The following PCNX2 variants were observed in gnomAD, a reference collection of about 807,000 sequenced individuals.
PCNX2 encodes the protein pecanex 2.
In PCNX2, 168 loss-of-function variants were observed where a neutral mutation model predicts 223.8. The observed-to-expected ratio is 0.75, with a 90% confidence interval of 0.66 to 0.85. The LOEUF (loss-of-function observed/expected upper bound fraction) is 0.85. Among genes scored for constraint, PCNX2 ranks in the 40% least tolerant of loss-of-function variants. The pLI, the probability that PCNX2 is intolerant of heterozygous loss-of-function variation, is 0.00. For missense variants in PCNX2, 2,507 were observed against 2,675.5 expected, an observed-to-expected ratio of 0.94 and a Z score of 1.39; for synonymous variants, 1,006 against 1,052.6, an observed-to-expected ratio of 0.96 and a Z score of 0.86.
At chr1:233,117,835 C>A (rs1301257656) in intron 21 of PCNX2, among the ~76,000 whole-genome samples, 1 of 150,930 alleles carries the variant, frequency 6.6e-6, no homozygotes, top group Non-Finnish European at 1.5e-5. Context: ...ACGGTGAAAC[C>A]CCGTCTCTAC....
At chr1:233,321,568 G>C in the PCNX2 span, among the ~76,000 whole-genome samples, 1 of 152,186 alleles carries the variant, frequency 6.6e-6, no homozygotes, top group Admixed American at 6.5e-5. Context: ...AAAGTGCTGG[G>C]ATTATAGGCA....
chr1:233,006,120 A>T (rs3820121), intron 28 of PCNX2, among the ~76,000 whole-genome samples: 40,025 of 152,042 alleles, frequency 0.26, 5,536 homozygotes, highest in African/African-American at 0.33. Flanking sequence ...TGAGATAACC[A>T]GGCACCAGCT....
At chr1:233,257,170 A>G (rs1471214411) in intron 5 of PCNX2, among the ~76,000 whole-genome samples, 4 of 152,190 alleles carry the variant, frequency 2.6e-5, no homozygotes, top group African/African-American at 7.2e-5. Context: ...TTATCTTCAT[A>G]TAGGAAATAT....
intron 25 of PCNX2, among the ~76,000 whole-genome samples, chr1:233,047,034 A>G (rs79090270): frequency 0.035 from 5,289 of 152,238 alleles, 127 homozygotes; most frequent in East Asian, 0.081. Context: ...GAAGATGCCT[A>G]GTCTGGCCTC....
At chr1:233,150,979 A>G (rs1053004836) in intron 19 of PCNX2, among the ~76,000 whole-genome samples, 1 of 152,172 alleles carries the variant, frequency 6.6e-6, no homozygotes, top group Non-Finnish European at 1.5e-5. Context: ...GAAGAGGGCT[A>G]GGAGAGAATT....
chr1:233,285,142 C>T (rs955125808), intron 1 of PCNX2: 1 of 363,142 alleles, frequency 2.8e-6, no homozygotes, highest in Non-Finnish European at 3.8e-6. Context: ...TGCTTGAGGC[C>T]AGGAGTTTGA....
At chr1:233,305,150 A>T in the PCNX2 span, among the ~76,000 whole-genome samples, 1 of 152,206 alleles carries the variant, frequency 6.6e-6, no homozygotes, top group Non-Finnish European at 1.5e-5. Flanking sequence ...TCTGTGTAGT[A>T]GAACAAGTTT....
Position 232,983,977 on chromosome 1 carries a change from AAC to A in PCNX2, c.*325_*326del, listed in dbSNP as rs1291755783. ...TGGCTTTTGAGATTTCAGATTCTGG[AAC>A]ATGTGTGGTGCTGTCCGCGGTGTGC... is the stretch of plus-strand genomic sequence containing the variant. On this transcript the variant is annotated 3_prime_UTR_variant, in exon 34 of 34. Coordinates refer to ENST00000258229, the MANE Select transcript of PCNX2 (RefSeq NM_014801.4). 1.8e-5 allele frequency: 4 copies of A among 218,832 alleles called. No individual in the cohort carries two copies. Among genetic ancestry groups the A allele is most frequent in the Non-Finnish European group, 3.5e-5 (4 of 112,772 alleles). 13.6% of individuals were successfully genotyped at this position (218,832 alleles called of 1,614,324 possible). A position where few individuals can be genotyped will look rare whatever the true frequency, so the allele number is the denominator to read the frequency against.
At chr1:233,080,080 A>T (rs2102920260) in intron 23 of PCNX2, among the ~76,000 whole-genome samples, 1 of 152,180 alleles carries the variant, frequency 6.6e-6, no homozygotes, top group African/African-American at 2.4e-5. Flanking sequence ...GGCAGGCACT[A>T]CCCTGCTGTC....
chr1:233,073,763 C>T (rs1672960686), intron 23 of PCNX2, among the ~76,000 whole-genome samples: 1 of 151,108 alleles, frequency 6.6e-6, no homozygotes, highest in South Asian at 2.1e-4. Context: ...CAGGTGTGCA[C>T]CACCATATCC....
At position 232,986,366 on chromosome 1, in the gene PCNX2, G is replaced by T. The variant is rs758658521; in HGVS notation, c.5966C>A (p.Ala1989Asp). The change falls in exon 33 of 34, where the codon GCC becomes GAC. Residue 1989 changes from alanine to aspartate, a missense_variant. Physicochemically the swap from Ala to Asp is moderately radical, Grantham distance 126 (BLOSUM62 -2). Around this residue, in one of 3 missense-constraint regions of PCNX2, gnomAD observed 1,372 missense variants for 1,509.4 expected, o/e 0.91. Coordinates refer to ENST00000258229, the MANE Select transcript of PCNX2 (RefSeq NM_014801.4). ...CTGAGAGTGCAGGGACGTGGCCGAGGCGTGCAAGGAGAGCCGGCTGCCCGA... is the reference window on the plus strand; with the variant it reads ...CTGAGAGTGCAGGGACGTGGCCGAGTCGTGCAAGGAGAGCCGGCTGCCCGA... The part of the protein sequence containing the change: ...RLSGSRLSLH[A>D]SATSLHSQPP... 3.1e-6 allele frequency: 5 copies of T among 1,602,180 alleles called. No homozygotes were observed. In the African/African-American group the frequency reaches 6.7e-5, roughly 21 times the overall value.
chr1:233,189,681 G>A (rs1202206452), intron 15 of PCNX2, among the ~76,000 whole-genome samples: 1 of 152,014 alleles, frequency 6.6e-6, no homozygotes, highest in East Asian at 1.9e-4. Flanking sequence ...AAGAAATACA[G>A]GAAAAGCTCC....
At chr1:233,091,787 T>A (rs1451728022) in intron 22 of PCNX2, among the ~76,000 whole-genome samples, 6 of 151,044 alleles carry the variant, frequency 4.0e-5, no homozygotes, top group Non-Finnish European at 8.9e-5. Flanking sequence ...CTTTTTTTTT[T>A]AAAACTTTCT....
At chr1:233,087,168 T>TA (rs1673649640) in intron 23 of PCNX2, 1 of 985,258 alleles carries the variant, frequency 1.0e-6, no homozygotes, top group African/African-American at 1.7e-5. Context: ...ATGGTTTTGT[T>TA]ACACTGCAGC....
chr1:233,058,605 A>G (rs10910651), intron 23 of PCNX2: 37,055 of 151,320 alleles, frequency 0.24, 5,849 homozygotes, highest in African/African-American at 0.46. Flanking sequence ...CCCACTGACA[A>G]TTGTAGAAAG....
chr1:233,100,913 T>C (rs1042199467), intron 21 of PCNX2, among the ~76,000 whole-genome samples: 4 of 152,262 alleles, frequency 2.6e-5, no homozygotes, highest in African/African-American at 7.2e-5. Flanking sequence ...TAGTTCTTTC[T>C]CAGCTTCAGT....
At chr1:233,111,380 C>T (rs1675107373) in intron 21 of PCNX2, among the ~76,000 whole-genome samples, 1 of 152,120 alleles carries the variant, frequency 6.6e-6, no homozygotes, top group East Asian at 1.9e-4. Context: ...ACTGGTTGCA[C>T]TTATGAGATT....
At chr1:233,104,836 T>C (rs1674675202) in intron 21 of PCNX2, among the ~76,000 whole-genome samples, 2 of 152,108 alleles carry the variant, frequency 1.3e-5, no homozygotes, top group African/African-American at 4.8e-5. Context: ...AAGTCAATAA[T>C]AAAAAGTTGG....
rs372565756 is a variant in PCNX2, at chr1:233,192,802, G to A, written c.3066+6137C>T. ...AATTAGGATAATAGTACTTGTCTCA[G>A]TTATGCTATGTGAAGTAAATTATAT... On this transcript the variant is annotated intron_variant, in intron 15 of 33. Coordinates refer to ENST00000258229, the MANE Select transcript of PCNX2 (RefSeq NM_014801.4). 2.6e-5 allele frequency among the ~76,000 whole-genome samples: 4 copies of A among 151,586 alleles called. No individual in the cohort carries two copies. The East Asian group carries it at 5.8e-4, about 22-fold the overall frequency.
Sources: allele counts gnomAD v4.1 joint callset (sites outside exome capture counted in the v4.1 genomes callset), GRCh38; gene constraint gnomAD v4.1.1; regional missense constraint gnomAD v4.1.1; transcripts MANE v1.5; gene names NCBI Gene and HGNC (gene_info 2026-07-23, HGNC 2026-07-21).